Variants in SEC31A observed in about 807,000 individuals in gnomAD.
SEC31A encodes the protein protein transport protein Sec31A.
A neutral mutation model predicts 151.0 loss-of-function variants in SEC31A; 70 were observed. That is an observed-to-expected ratio of 0.46 (90% confidence interval 0.38 to 0.57). The LOEUF (loss-of-function observed/expected upper bound fraction) is 0.57, where lower values mean the gene tolerates loss of function less well. Among genes scored for constraint, SEC31A ranks in the 20% least tolerant of loss-of-function variants. SEC31A has a pLI of 0.00. For missense variants in SEC31A, 1,330 were observed against 1,471.2 expected, an observed-to-expected ratio of 0.90 and a Z score of 1.57; for synonymous variants, 475 against 505.9, an observed-to-expected ratio of 0.94 and a Z score of 0.82.
At chr4:82,896,983 A>G (rs1249678134) in intron 3 of SEC31A, among the ~76,000 whole-genome samples, 1 of 152,172 alleles carries the variant, frequency 6.6e-6, no homozygotes, top group Non-Finnish European at 1.5e-5. Flanking sequence ...TCAGCAAAAT[A>G]TAGACCTTGT....
At chr4:82,841,467 T>TATATAC (rs1339344582) in intron 22 of SEC31A, among the ~76,000 whole-genome samples, 26 of 103,560 alleles carry the variant, frequency 2.5e-4, no homozygotes, top group Non-Finnish European at 3.0e-4. Flanking sequence ...TATATATATA[T>TATATAC]ACACACACAC....
At chr4:82,858,178 T>TG (rs1733127283) in intron 14 of SEC31A, among the ~76,000 whole-genome samples, 1 of 151,476 alleles carries the variant, frequency 6.6e-6, no homozygotes, top group African/African-American at 2.4e-5. Context: ...TTTGGGAGGC[T>TG]GAGGTGGGCG....
chr4:82,879,356 C>T (rs1738727614), intron 3 of SEC31A, among the ~76,000 whole-genome samples: 1 of 116,638 alleles, frequency 8.6e-6, no homozygotes, highest in Non-Finnish European at 1.7e-5. Flanking sequence ...GGGTCTCATG[C>T]TTTGACCTTT....
intron 14 of SEC31A, 126 bp downstream of exon 14, chr4:82,861,505 C>A (rs1316219845): frequency 1.7e-6 from 1 of 602,934 alleles, no homozygotes; most frequent in African/African-American, 1.9e-5. Context: ...TCCTAAACAT[C>A]TCAAAGAAAA....
chr4:82,867,139 T>G lies in SEC31A; in HGVS notation c.1044+16A>C. ...TTTCAGGCATTATAATAGAAAACTT[T>G]AACACTTCCTATTACCTTGTCAACT... On this transcript the variant is annotated intron_variant, in intron 9 of 26. Coordinates refer to ENST00000395310, the MANE Select transcript of SEC31A (RefSeq NM_001077207.4). 1 of 1,606,742 alleles carries G rather than the reference T, an allele frequency of 6.2e-7. No homozygotes were observed. The highest frequency in any genetic ancestry group is 1.1e-5 in the South Asian group (1 of 90,282).
rs1450610381 is a variant in SEC31A, at chr4:82,842,463, G to A, written c.2645C>T (p.Pro882Leu). 11 of 1,611,600 alleles carry A rather than the reference G, an allele frequency of 6.8e-6. No homozygotes were observed. Among genetic ancestry groups the A allele is most frequent in the African/African-American group, 4.0e-5 (3 of 74,878 alleles). Reference protein sequence around the residue: ...PQPQPYQPAQPYPFGTGGSAM... With the variant: ...PQPQPYQPAQLYPFGTGGSAM... ...TGACCCCCCTGTTCCGAAGGGATAC[G>A]GCTGGGCTGGTTGATAAGCTACACC... The change falls in exon 22 of 27, where the codon CCG (proline) becomes CTG (leucine). Residue 882 changes from proline (P) to leucine (L), a missense_variant. Pro to Leu is a moderately conservative substitution (Grantham distance 98). Coordinates refer to ENST00000395310, the MANE Select transcript of SEC31A (RefSeq NM_001077207.4).
chr4:82,855,094 C>CTAA, intron 16 of SEC31A, 65 bp from the exon 17 acceptor site: 1 of 1,341,248 alleles, frequency 7.5e-7, no homozygotes, highest in Non-Finnish European at 1.0e-6. Context: ...TTAATTCTGA[C>CTAA]TAATTAATTG....
Position 82,872,070 on chromosome 4 carries a change from A to G in SEC31A, c.656T>C (p.Leu219Ser). Reference sequence around the variant, plus strand: ...AGTAGCAACATCAGGATGCCATGCCAACCCAGAACAATGCATCTGAAGATA... The same window carrying G: ...AGTAGCAACATCAGGATGCCATGCCGACCCAGAACAATGCATCTGAAGATA... ...DHSNRMHCSG[L>S]AWHPDVATQM... The change falls in exon 7 of 27, where the codon TTG (leucine) becomes TCG (serine). Residue 219 changes from leucine to serine, a missense_variant. By Grantham distance (145) the Leu-to-Ser change is moderately radical (BLOSUM62 -2). Transcript: ENST00000395310. 1 of 1,613,946 alleles carries G rather than the reference A, an allele frequency of 6.2e-7. No homozygotes were observed. The highest frequency in any genetic ancestry group is 8.5e-7 in the Non-Finnish European group (1 of 1,179,816).
Position 82,842,332 on chromosome 4 carries a change from A to G in SEC31A, c.2776T>C (p.Tyr926His). ...ASSYTGQSQLYAAQHQASSPT... is the reference protein window; with the variant it reads ...ASSYTGQSQLHAAQHQASSPT... Reference sequence around the variant, plus strand: ...GAAGAGGCCTGGTGCTGTGCTGCGTACAGCTGAGACTGCCCAGTATAGGAA... The same window carrying G: ...GAAGAGGCCTGGTGCTGTGCTGCGTGCAGCTGAGACTGCCCAGTATAGGAA... The change falls in exon 22 of 27, where the codon TAC (tyrosine) becomes CAC (histidine). Residue 926 changes from tyrosine (Y) to histidine (H), a missense_variant. Physicochemically the swap from Tyr to His is moderately conservative, Grantham distance 83. Coordinates refer to ENST00000395310, the MANE Select transcript of SEC31A (RefSeq NM_001077207.4). 8 of 1,613,658 alleles carry G rather than the reference A, an allele frequency of 5.0e-6. No homozygotes were observed. Among genetic ancestry groups the G allele is most frequent in the Non-Finnish European group, 6.8e-6 (8 of 1,179,764 alleles).
rs1730771116 is a variant in SEC31A at position 82,848,685 on chromosome 4, T to C, written c.2502+119A>G. ...AAGATTCTAGAAAATAGATCTATTA[T>C]AACAATATATTGTCTAGTTTTACCA... On this transcript the variant is annotated intron_variant, in intron 20 of 26. Coordinates refer to ENST00000395310, the MANE Select transcript of SEC31A (RefSeq NM_001077207.4). The C allele has an allele frequency of 3.9e-6, 3 of 765,090 alleles. No individual in the cohort carries two copies. In the South Asian group the frequency reaches 7.1e-5, roughly 18 times the overall value. 47.4% of individuals were successfully genotyped at this position (765,090 alleles called of 1,614,324 possible).
chr4:82,826,988 T>G (rs1481191636), intron 24 of SEC31A, among the ~76,000 whole-genome samples: 1 of 152,254 alleles, frequency 6.6e-6, no homozygotes, highest in Non-Finnish European at 1.5e-5. Flanking sequence ...ATTATTAGCT[T>G]TTATACATAC....
chr4:82,827,558 T>C lies in SEC31A; in HGVS notation c.3102A>G (p.Gln1034=), dbSNP rs765192373. ...IMNPLGDPQS[Q]MLQQQPSAPV... ...GAGCTGAAGGCTGTTGCTGCAGCAT[T>C]TGTGACTGGGGGTCACCCAACGGGT... The change falls in exon 24 of 27, where the codon CAA becomes CAG. Residue 1034 remains glutamine (Q), a synonymous_variant. Coordinates refer to ENST00000395310, the MANE Select transcript of SEC31A (RefSeq NM_001077207.4). The C allele has an allele frequency of 6.2e-7, 1 of 1,614,080 alleles. No individual in the cohort carries two copies. The highest frequency in any genetic ancestry group is 1.3e-5 in the African/African-American group (1 of 74,930).
chr4:82,819,432 C>A (rs1437487974), intron 26 of SEC31A, among the ~76,000 whole-genome samples, 179 bp from the exon 27 acceptor site: 1 of 152,106 alleles, frequency 6.6e-6, no homozygotes, highest in Non-Finnish European at 1.5e-5. Context: ...TCAAGTACAA[C>A]CACAACAAAA....
At position 82,843,256 on chromosome 4, in the gene SEC31A, G is replaced by C. The variant is rs752199045; in HGVS notation, c.2627-775C>G. Among the ~76,000 whole-genome samples, 6 of 151,672 alleles carry C rather than the reference G, an allele frequency of 4.0e-5. No homozygotes were observed. The South Asian group carries it at 6.2e-4, about 16-fold the overall frequency. ...AGCGATTCTCCTGCCTCAGCCTCCT[G>C]AGTAGCTGGGACTACAGGCTATAGG... On this transcript the variant is annotated intron_variant, in intron 21 of 26. Transcript: ENST00000395310.
chr4:82,849,014 T>C (rs1352844178), intron 19 of SEC31A, 37 bp from the exon 20 acceptor site: 2 of 1,574,324 alleles, frequency 1.3e-6, no homozygotes, highest in African/African-American at 1.4e-5. Context: ...CTGTTGAGAG[T>C]TCACCCAGGT....
At chr4:82,879,899 G>A (rs1738889992) in intron 3 of SEC31A, among the ~76,000 whole-genome samples, 1 of 152,130 alleles carries the variant, frequency 6.6e-6, no homozygotes, top group Non-Finnish European at 1.5e-5. Flanking sequence ...TATCGTAACA[G>A]AAGAAAATAA....
chr4:82,852,574 G>T (rs1359774971), intron 18 of SEC31A, among the ~76,000 whole-genome samples: 1 of 139,918 alleles, frequency 7.1e-6, no homozygotes, highest in Non-Finnish European at 1.5e-5. Context: ...GGAAAACCTT[G>T]ATTTCCTACC....
chr4:82,853,051 T>C (rs1056715906), intron 18 of SEC31A, among the ~76,000 whole-genome samples: 3 of 152,216 alleles, frequency 2.0e-5, no homozygotes, highest in African/African-American at 7.2e-5. Flanking sequence ...GTTCACCCAC[T>C]GCTCACCTCT....
At chr4:82,853,528 A>C (rs1230773155) in intron 18 of SEC31A, 42 bp downstream of exon 18, 2 of 1,505,570 alleles carry the variant, frequency 1.3e-6, no homozygotes, top group African/African-American at 2.9e-5. Flanking sequence ...AGGGTGAAAG[A>C]CAACACTAAA....
Sources: allele counts gnomAD v4.1 joint callset (sites outside exome capture counted in the v4.1 genomes callset), GRCh38; gene constraint gnomAD v4.1.1; transcripts MANE v1.5; gene names NCBI Gene and HGNC (gene_info 2026-07-23, HGNC 2026-07-21).